The following PRR16 variants were observed in gnomAD, a reference collection of about 807,000 sequenced individuals.
PRR16 encodes the protein protein Largen.
PRR16 carries 6 observed loss-of-function variants against 18.2 expected under a neutral mutation model. The ratio of observed to expected loss-of-function variants is 0.33; its 90% CI spans 0.18 to 0.65. The LOEUF is 0.65. Ranked by LOEUF, PRR16 falls within the 30% of genes least tolerant of loss-of-function variation. The probability of loss-of-function intolerance (pLI) is 0.74; values close to 1 mark genes in which losing one functional copy is unlikely to be tolerated. For missense variants in PRR16, 412 were observed against 376.6 expected, an observed-to-expected ratio of 1.09 and a Z score of -0.78; for synonymous variants, 151 against 147.8, an observed-to-expected ratio of 1.02 and a Z score of -0.16.
intron 1 of PRR16, among the ~76,000 whole-genome samples, chr5:120,635,770 G>A (rs184599595): frequency 1.5e-3 from 224 of 152,212 alleles, no homozygotes; most frequent in African/African-American, 4.9e-3. Context: ...CCTAGCCAGA[G>A]CAATCAGACA....
At chr5:120,641,267 A>ATC (rs112009900) in intron 1 of PRR16, among the ~76,000 whole-genome samples, 3 of 152,156 alleles carry the variant, frequency 2.0e-5, no homozygotes, top group African/African-American at 7.2e-5. Context: ...GGCCTGGGGG[A>ATC]TCAACAGTTA....
At chr5:120,643,745 C>G (rs1351807991) in intron 1 of PRR16, among the ~76,000 whole-genome samples, 2 of 152,070 alleles carry the variant, frequency 1.3e-5, no homozygotes, top group African/African-American at 4.8e-5. Flanking sequence ...TGGCTCACAC[C>G]TGCAATTACA....
chr5:120,792,777 CTA>C, the PRR16 span, among the ~76,000 whole-genome samples: 1 of 152,116 alleles, frequency 6.6e-6, no homozygotes, highest in African/African-American at 2.4e-5. Flanking sequence ...TTAATAGAGT[CTA>C]AAATCTAGTT....
At chr5:120,594,922 G>A (rs1001025560) in intron 1 of PRR16, among the ~76,000 whole-genome samples, 3 of 152,010 alleles carry the variant, frequency 2.0e-5, no homozygotes, top group Non-Finnish European at 2.9e-5. Flanking sequence ...AATTGAAACT[G>A]GACCAATTCC....
intron 1 of PRR16, among the ~76,000 whole-genome samples, chr5:120,601,756 G>T (rs1370016314): frequency 6.6e-6 from 1 of 151,766 alleles, no homozygotes; most frequent in Non-Finnish European, 1.5e-5. Flanking sequence ...TGTAAGGAAG[G>T]GGTCCAGTTT....
chr5:120,663,236 A>G (rs1367528575), intron 1 of PRR16, among the ~76,000 whole-genome samples: 1 of 152,136 alleles, frequency 6.6e-6, no homozygotes, highest in African/African-American at 2.4e-5. Context: ...ATAGTATTTC[A>G]AACTCAACAC....
chr5:120,666,086 A>G (rs1415196547), intron 1 of PRR16, among the ~76,000 whole-genome samples: 1 of 152,164 alleles, frequency 6.6e-6, no homozygotes, highest in Non-Finnish European at 1.5e-5. Flanking sequence ...CTTCCTACCC[A>G]TGAGCATGGA....
intron 1 of PRR16, among the ~76,000 whole-genome samples, chr5:120,510,959 A>G (rs1041134167): frequency 2.6e-5 from 4 of 152,140 alleles, no homozygotes; most frequent in African/African-American, 7.2e-5. Flanking sequence ...AGTACAGGAC[A>G]ATATTATGTG....
chr5:120,717,797 CTG>C, the PRR16 span, among the ~76,000 whole-genome samples: 7 of 152,100 alleles, frequency 4.6e-5, no homozygotes, highest in African/African-American at 1.7e-4. Context: ...AATGAAGAGA[CTG>C]TTAATTAAAT....
chr5:120,541,407 A>T (rs1319148605), intron 1 of PRR16, among the ~76,000 whole-genome samples: 2 of 152,172 alleles, frequency 1.3e-5, no homozygotes, highest in South Asian at 2.1e-4. Flanking sequence ...CAGCCTCTCA[A>T]AGTGCTAGGA....
At chr5:120,564,287 T>C (rs936022835) in intron 1 of PRR16, among the ~76,000 whole-genome samples, 1 of 152,034 alleles carries the variant, frequency 6.6e-6, no homozygotes, top group African/African-American at 2.4e-5. Context: ...GCCACCCTAG[T>C]CCCCTGCCTC....
At position 120,499,619 on chromosome 5, in the gene PRR16, A is replaced by G. The variant is rs147905346; in HGVS notation, c.159+34974A>G. Among the ~76,000 whole-genome samples, 55 of 152,004 alleles carry G rather than the reference A, an allele frequency of 3.6e-4. No homozygotes were observed. The East Asian group carries it at 9.7e-3, about 27-fold the overall frequency. ...TACATTTGACTCCTCTCTATATCTT[A>G]TATCTTTGCTGAGGCTTTCTTTTTC... On this transcript the variant is annotated intron_variant, in intron 1 of 1. Transcript: ENST00000407149.
At chr5:120,619,824 A>G (rs1754629901) in intron 1 of PRR16, among the ~76,000 whole-genome samples, 1 of 152,064 alleles carries the variant, frequency 6.6e-6, no homozygotes, top group South Asian at 2.1e-4. Context: ...GCTAGAAAAA[A>G]GAAATATAAA....
chr5:120,669,253 T>C (rs1391513298), intron 1 of PRR16, among the ~76,000 whole-genome samples: 2 of 152,222 alleles, frequency 1.3e-5, no homozygotes, highest in Middle Eastern at 3.4e-3. Flanking sequence ...CACATAAAAA[T>C]TGTTTAAGTT....
At position 120,667,222 on chromosome 5, in the gene PRR16, A is replaced by G. The variant is rs192361553; in HGVS notation, c.160-18732A>G. ...TGTGTCGAGGAATTTATCCATTTAG[A>G]TTTTCTAGTTTATTTGCGTAGAGGT... On this transcript the variant is annotated intron_variant, in intron 1 of 1. Coordinates refer to ENST00000407149, the MANE Select transcript of PRR16 (RefSeq NM_001300783.2). Among the ~76,000 whole-genome samples the G allele has an allele frequency of 9.6e-4, 131 of 136,346 alleles. 1 individual carries two copies. Among genetic ancestry groups the G allele is most frequent in the Non-Finnish European group, 1.3e-3 (76 of 59,802 alleles). 89.4% of individuals were successfully genotyped at this position (136,346 alleles called of 152,430 possible).
At chr5:120,516,111 A>G (rs1369401872) in intron 1 of PRR16, among the ~76,000 whole-genome samples, 1 of 151,918 alleles carries the variant, frequency 6.6e-6, no homozygotes, top group African/African-American at 2.4e-5. Flanking sequence ...AGAAAGCAAA[A>G]CCAAACCAAA....
chr5:120,626,837 T>A (rs148341845), intron 1 of PRR16, among the ~76,000 whole-genome samples: 129 of 152,254 alleles, frequency 8.5e-4, no homozygotes, highest in African/African-American at 2.9e-3. Flanking sequence ...AAAATAGGAA[T>A]CTTATTTATT....
chr5:120,507,126 T>C (rs2112851539), intron 1 of PRR16, among the ~76,000 whole-genome samples: 1 of 152,236 alleles, frequency 6.6e-6, no homozygotes, highest in African/African-American at 2.4e-5. Context: ...TTTTTATTTT[T>C]GAGAATATAT....
chr5:120,646,866 A>C (rs566008113), intron 1 of PRR16, among the ~76,000 whole-genome samples: 1 of 152,156 alleles, frequency 6.6e-6, no homozygotes, highest in East Asian at 1.9e-4. Context: ...TAAGAGAAAC[A>C]ACAACAGAAT....
Sources: allele counts gnomAD v4.1 joint callset (sites outside exome capture counted in the v4.1 genomes callset), GRCh38; gene constraint gnomAD v4.1.1; transcripts MANE v1.5; gene names NCBI Gene and HGNC (gene_info 2026-07-23, HGNC 2026-07-21).